The following IL3RA variants were observed in gnomAD, a reference collection of about 807,000 sequenced individuals.
The protein encoded by IL3RA is interleukin-3 receptor subunit alpha.
Under a neutral mutation model 52.3 loss-of-function variants are expected in IL3RA, and 73 were observed. The ratio of observed to expected loss-of-function variants is 1.40; its 90% CI spans 1.16 to 1.70. The LOEUF is 1.70. Among genes scored for constraint, IL3RA ranks in the 40% most tolerant of loss-of-function variants. The probability of loss-of-function intolerance (pLI) is 0.00; values close to 1 mark genes in which losing one functional copy is unlikely to be tolerated. For synonymous variants in IL3RA, 260 were observed against 194.0 expected (o/e 1.34, Z -2.83); for missense variants, 664 against 504.4 (o/e 1.32, Z -3.03).
chrX:1,348,557 G>C lies in IL3RA; in HGVS notation c.298+12G>C, dbSNP rs1380395827. ...CTTCCCTGAGAACAGTGAGAAAAAT[G>C]TTCATTGTTTGTTTATTCTCTATTC... On this transcript the variant is annotated intron_variant, in intron 4 of 11. Transcript: ENST00000331035. 1 of 1,594,596 alleles carries C rather than the reference G, an allele frequency of 6.3e-7. No homozygotes were observed. The highest frequency in any genetic ancestry group is 1.7e-5 in the Admixed American group (1 of 59,936).
intron 2 of IL3RA, among the ~76,000 whole-genome samples, chrX:1,344,051 C>T (rs752999189): frequency 1.3e-5 from 2 of 152,182 alleles, no homozygotes; most frequent in East Asian, 3.9e-4. Context: ...ACCTTGGCCT[C>T]CCAAAGTGCT....
At chrX:1,344,067 G>T (rs760965104) in intron 2 of IL3RA, among the ~76,000 whole-genome samples, 10 of 151,872 alleles carry the variant, frequency 6.6e-5, no homozygotes, top group African/African-American at 2.4e-4. Context: ...GTGCTGGGAT[G>T]ACGGGCGTGA....
chrX:1,378,617 G>C, intron 9 of IL3RA, 42 bp from the exon 10 acceptor site: 1 of 1,554,646 alleles, frequency 6.4e-7, no homozygotes, highest in Non-Finnish European at 8.8e-7. Context: ...GGTCCCCCCA[G>C]GACGGCCCCC....
intron 3 of IL3RA, among the ~76,000 whole-genome samples, chrX:1,346,440 A>AAAAAAG (rs1225725946): frequency 2.0e-5 from 3 of 151,518 alleles, no homozygotes; most frequent in African/African-American, 7.3e-5. Flanking sequence ...ACTTCATGTC[A>AAAAAAG]AAAAAGAAAA....
At chrX:1,347,855 G>A (rs1317378807) in intron 3 of IL3RA, among the ~76,000 whole-genome samples, 12 of 150,310 alleles carry the variant, frequency 8.0e-5, no homozygotes, top group African/African-American at 1.7e-4. Context: ...TGGCTAACAC[G>A]GTGAAACCCC....
chrX:1,362,055 T>C (rs1247018722), intron 8 of IL3RA, among the ~76,000 whole-genome samples: 4 of 149,286 alleles, frequency 2.7e-5, no homozygotes, highest in Admixed American at 1.3e-4. Flanking sequence ...TGTATCTCTG[T>C]CTCTCTCTCT....
In IL3RA at chrX:1,352,122, G is replaced by A. The variant is rs150150472; in HGVS notation, c.321G>A (p.Ala107=). 2.2e-5 allele frequency: 36 copies of A among 1,613,664 alleles called. No homozygotes were observed. Among genetic ancestry groups the A allele is most frequent in the Admixed American group, 1.8e-4 (11 of 59,962 alleles). Residue 107 remains alanine (A), a synonymous_variant, in exon 5 of 12, where the codon GCG becomes GCA. Transcript: ENST00000331035. The stretch of plus-strand genomic sequence containing the variant: ...CAGGTGGGAAGCCTTGGGCAGGTGC[G>A]GAGAATCTGACCTGCTGGATTCATG... The part of the protein sequence containing the change: ...PENSGKPWAG[A]ENLTCWIHDV...
rs2088979081 is a variant in IL3RA at position 1,378,782 on chromosome X, T to TCCGCG, written c.980+19_980+23dup. ...TGCAGAAGGTGAGCCCTCGAGGGCGTCCGCGAGCGTCGCTTGTTTCCAGTG... is the reference window on the plus strand; with the variant it reads ...TGCAGAAGGTGAGCCCTCGAGGGCGTCCGCGCCGCGAGCGTCGCTTGTTTCCAGTG... On this transcript the variant is annotated intron_variant, in intron 10 of 11. Transcript: ENST00000331035. The TCCGCG allele has an allele frequency of 6.3e-7, 1 of 1,599,574 alleles. No homozygotes were observed. The highest frequency in any genetic ancestry group is 1.7e-5 in the Admixed American group (1 of 59,918).
intron 3 of IL3RA, among the ~76,000 whole-genome samples, chrX:1,347,424 G>C (rs1235619605): frequency 6.6e-6 from 1 of 150,954 alleles, no homozygotes; most frequent in Non-Finnish European, 1.5e-5. Context: ...CAGCCTGGGC[G>C]ACAGAGCGAG....
rs1227992403 is a variant in IL3RA at position 1,341,735 on chromosome X, C to G, written c.-31C>G. 5.0e-6 allele frequency: 8 copies of G among 1,613,114 alleles called. No homozygotes were observed. Among genetic ancestry groups the G allele is most frequent in the Non-Finnish European group, 6.8e-6 (8 of 1,179,550 alleles). On this transcript the variant is annotated 5_prime_UTR_variant, in exon 2 of 12. Transcript: ENST00000331035. Reference sequence around the variant, plus strand: ...CTCTCGTTTCTCCTGCAGCAGGCACCTCTGTCCTGCGTTCCGGAGCTGCGT... The same window carrying G: ...CTCTCGTTTCTCCTGCAGCAGGCACGTCTGTCCTGCGTTCCGGAGCTGCGT...
chrX:1,356,438 A>G (rs1374908364), intron 7 of IL3RA, 102 bp downstream of exon 7: 1 of 692,768 alleles, frequency 1.4e-6, no homozygotes, highest in Non-Finnish European at 2.5e-6. Flanking sequence ...ATCTCCTCTG[A>G]TAACGTCACA....
chrX:1,382,339 CTCTGTTATCTGG>C, intron 11 of IL3RA, 40 bp from the exon 12 acceptor site: 1 of 1,349,278 alleles, frequency 7.4e-7, no homozygotes, highest in Non-Finnish European at 1.0e-6. Flanking sequence ...AGGACGTGGG[CTCTGTTATCTGG>C]GGGGTGGCCG....
At chrX:1,338,252 T>C (rs1411893841) in intron 1 of IL3RA, among the ~76,000 whole-genome samples, 2 of 144,816 alleles carry the variant, frequency 1.4e-5, no homozygotes, top group Non-Finnish European at 3.0e-5. Flanking sequence ...CATCTATAGA[T>C]GAATGGAAAA....
intron 4 of IL3RA, among the ~76,000 whole-genome samples, chrX:1,349,591 C>T (rs1389603531): frequency 2.6e-5 from 4 of 152,102 alleles, no homozygotes; most frequent in African/African-American, 9.7e-5. Context: ...GGATTGTAAG[C>T]ATCAGCCACC....
In IL3RA at chrX:1,382,334, G is replaced by A. The variant is rs1172910307; in HGVS notation, c.1063-57G>A. ...GGGACAGGCCCCCGCAGATCAGGAC[G>A]TGGGCTCTGTTATCTGGGGGGTGGC... is the stretch of plus-strand genomic sequence containing the variant. On this transcript the variant is annotated intron_variant, in intron 11 of 11. Coordinates refer to ENST00000331035, the MANE Select transcript of IL3RA (RefSeq NM_002183.4). 17 of 1,211,728 alleles carry A rather than the reference G, an allele frequency of 1.4e-5. 1 individual carries two copies. The African/African-American group carries it at 1.9e-4, about 14-fold the overall frequency. 75.1% of individuals were successfully genotyped at this position (1,211,728 alleles called of 1,614,324 possible). A position where few individuals can be genotyped will look rare whatever the true frequency, so the allele number is the denominator to read the frequency against.
rs778345582 is a variant in IL3RA, at chrX:1,352,326, C to T, written c.436C>T (p.Arg146Cys). 6.8e-6 allele frequency: 11 copies of T among 1,613,646 alleles called. No homozygotes were observed. The highest frequency in any genetic ancestry group is 4.4e-5 in the South Asian group (4 of 91,080). The change falls in exon 6 of 12, where the codon CGT becomes TGT. Residue 146 changes from arginine (R) to cysteine (C), a missense_variant. Arg to Cys is a radical substitution (Grantham distance 180). Transcript: ENST00000331035. Reference sequence around the variant, plus strand: ...CAACCTTACCGCTTACCGCAGCAGGCGTCAACAGTACGAGTGTCTTCACTA... The same window carrying T: ...CAACCTTACCGCTTACCGCAGCAGGTGTCAACAGTACGAGTGTCTTCACTA... ...YDLYLNVANR[R>C]QQYECLHYKT...
At chrX:1,344,413 GAC>G (rs1382510063) in intron 2 of IL3RA, among the ~76,000 whole-genome samples, 12 of 151,840 alleles carry the variant, frequency 7.9e-5, no homozygotes, top group Admixed American at 3.3e-4. Context: ...CAGCCTGGGC[GAC>G]AGAGTGAGAC....
Position 1,348,520 on chromosome X carries a change from C to T in IL3RA, c.273C>T (p.Ser91=), listed in dbSNP as rs143492315. The T allele has an allele frequency of 3.6e-5, 58 of 1,613,444 alleles. No homozygotes were observed. Among genetic ancestry groups the T allele is most frequent in the Non-Finnish European group, 4.4e-5 (52 of 1,179,562 alleles). ...YTVRVANPPF[S]TWILFPENSG... is the part of the protein sequence containing the mutation. ...TCCGAGTGGCCAACCCACCATTCTC[C>T]ACGTGGATCCTCTTCCCTGAGAACA... The change falls in exon 4 of 12, where the codon TCC becomes TCT. Residue 91 remains serine, a synonymous_variant. Coordinates refer to ENST00000331035, the MANE Select transcript of IL3RA (RefSeq NM_002183.4).
At chrX:1,363,587 C>T (rs1341720506) in intron 8 of IL3RA, among the ~76,000 whole-genome samples, 6 of 148,090 alleles carry the variant, frequency 4.1e-5, no homozygotes, top group Middle Eastern at 3.8e-3. Flanking sequence ...CGCGCCTGGC[C>T]GAGCTATTTC....
Sources: gnomAD v4.1 joint callset for allele counts (sites outside exome capture counted in the v4.1 genomes callset) on GRCh38, gnomAD v4.1.1 for gene constraint, MANE v1.5 for transcripts, NCBI Gene and HGNC (gene_info 2026-07-23, HGNC 2026-07-21) for gene names.